GABRA3: variants seen among roughly 807,000 people sequenced by gnomAD.
The protein encoded by GABRA3 is gamma-aminobutyric acid type A receptor subunit alpha3, also known as gamma-aminobutyric acid receptor subunit alpha-3.
GABRA3 carries 10 observed loss-of-function variants against 30.1 expected under a neutral mutation model. The ratio of observed to expected loss-of-function variants is 0.33; its 90% CI spans 0.20 to 0.56. The LOEUF (loss-of-function observed/expected upper bound fraction) is 0.56, where lower values mean the gene tolerates loss of function less well. GABRA3 is among the 20% of genes least tolerant of loss of function. The probability of loss-of-function intolerance (pLI) is 0.89; values close to 1 mark genes in which losing one functional copy is unlikely to be tolerated. For missense variants in GABRA3, 233 were observed against 392.0 expected, an observed-to-expected ratio of 0.59 and a Z score of 3.42; for synonymous variants, 151 against 146.8, an observed-to-expected ratio of 1.03 and a Z score of -0.21.
At chrX:152,356,386 T>G (rs1056678402) in intron 2 of GABRA3, among the ~76,000 whole-genome samples, 2 of 111,687 alleles carry the variant, frequency 1.8e-5, no homozygotes, top group African/African-American at 3.3e-5. Flanking sequence ...GATAAAATAA[T>G]GCAGTAATGG....
At chrX:152,238,782 G>C (rs1179428326) in intron 5 of GABRA3, among the ~76,000 whole-genome samples, 2 of 108,048 alleles carry the variant, frequency 1.9e-5, no homozygotes, top group Non-Finnish European at 3.9e-5. Context: ...TATTTGCATA[G>C]AGGTGTTTGT....
chrX:152,318,250 C>T (rs1239270836), intron 3 of GABRA3, among the ~76,000 whole-genome samples: 4 of 111,176 alleles, frequency 3.6e-5, no homozygotes, highest in African/African-American at 1.3e-4. Context: ...ATACAACCCT[C>T]CTACCTTAAA....
chrX:152,313,070 C>A (rs778102636), intron 3 of GABRA3, among the ~76,000 whole-genome samples: 5 of 110,954 alleles, frequency 4.5e-5, no homozygotes, highest in African/African-American at 1.3e-4. Context: ...ACTCCCTGAA[C>A]CTAAAAGTTG....
chrX:152,437,721 C>T (rs1322088084), intron 1 of GABRA3, among the ~76,000 whole-genome samples: 7 of 111,714 alleles, frequency 6.3e-5, no homozygotes, highest in Non-Finnish European at 1.3e-4. Flanking sequence ...TGAATATAGT[C>T]AACTGATCCT....
chrX:152,365,117 C>A (rs1174911632), intron 1 of GABRA3, among the ~76,000 whole-genome samples: 1 of 111,428 alleles, frequency 9.0e-6, no homozygotes, highest in Non-Finnish European at 1.9e-5. Context: ...ATATTAAGAC[C>A]TGGAGTCTTT....
chrX:152,224,020 G>A (rs775905843), intron 6 of GABRA3, among the ~76,000 whole-genome samples: 2 of 111,462 alleles, frequency 1.8e-5, no homozygotes, highest in Non-Finnish European at 3.8e-5. Flanking sequence ...AAAAACTAAT[G>A]ATTGAGGAAA....
chrX:152,429,306 C>T (rs760490134), intron 1 of GABRA3, among the ~76,000 whole-genome samples: 1 of 109,764 alleles, frequency 9.1e-6, no homozygotes, highest in Admixed American at 9.7e-5. Context: ...TCTCTTTCTC[C>T]AGATTACCAT....
chrX:152,169,839 T>C (rs113401130), intron 9 of GABRA3, among the ~76,000 whole-genome samples: 286 of 111,577 alleles, frequency 2.6e-3, no homozygotes, highest in African/African-American at 8.5e-3. Flanking sequence ...TTCCTACTTG[T>C]TTTCTTTGTG....
At chrX:152,344,130 A>C (rs1940355845) in intron 3 of GABRA3, among the ~76,000 whole-genome samples, 1 of 111,815 alleles carries the variant, frequency 8.9e-6, no homozygotes, top group Admixed American at 9.5e-5. Flanking sequence ...TCTTGGAAAA[A>C]TGACTAATTC....
Position 152,364,736 on chromosome X carries a change from C to A in GABRA3, c.-26-140G>T, listed in dbSNP as rs912232791. 110 of 421,786 alleles carry A rather than the reference C, an allele frequency of 2.6e-4. 2 individuals are homozygous for A. The Middle Eastern group carries it at 6.0e-3, about 23-fold the overall frequency. 34.8% of individuals were successfully genotyped at this position (421,786 alleles called of 1,213,427 possible). A position where few individuals can be genotyped will look rare whatever the true frequency, so the allele number is the denominator to read the frequency against. ...ATTTAACTTCTCTAGTGTCTAGTTA[C>A]TCAGTGCTTAATTCAACAGTCCCCT... On this transcript the variant is annotated intron_variant, in intron 1 of 9. Transcript: ENST00000370314.
intron 1 of GABRA3, among the ~76,000 whole-genome samples, chrX:152,444,945 C>T (rs1931042732): frequency 1.1e-5 from 1 of 90,379 alleles, no homozygotes; most frequent in African/African-American, 4.0e-5. Context: ...CCTGTAGTCC[C>T]AGCTACTTGG....
chrX:152,411,219 G>A (rs1276648994), intron 1 of GABRA3, among the ~76,000 whole-genome samples: 4 of 111,123 alleles, frequency 3.6e-5, no homozygotes, highest in Non-Finnish European at 5.7e-5. Context: ...GGAGGCTGAG[G>A]TGGGAGGATC....
intron 2 of GABRA3, among the ~76,000 whole-genome samples, chrX:152,354,761 G>A (rs945789694): frequency 1.4e-4 from 16 of 111,435 alleles, no homozygotes; most frequent in Admixed American, 4.8e-4. Context: ...ATTCAAACTG[G>A]TAGGTGAATC....
intron 4 of GABRA3, among the ~76,000 whole-genome samples, chrX:152,268,272 A>C (rs150685778): frequency 1.2e-4 from 13 of 111,890 alleles, no homozygotes; most frequent in African/African-American, 3.9e-4. Flanking sequence ...CAATTGTAAT[A>C]ATTCCATGTC....
rs188963696 is a variant in GABRA3 at position 152,292,305 on chromosome X, G to A, written c.263-7570C>T. Among the ~76,000 whole-genome samples, 12 of 112,023 alleles carry A rather than the reference G, an allele frequency of 1.1e-4. No homozygotes were observed. The Admixed American group carries it at 1.1e-3, about 11-fold the overall frequency. ...TTAGATTTTCTAGTTTATTTGCATA[G>A]AGGTGTTTATTGTATTCTCTGATGG... On this transcript the variant is annotated intron_variant, in intron 3 of 9. Transcript: ENST00000370314.
At chrX:152,360,697 TAA>T (rs1376628186) in intron 2 of GABRA3, among the ~76,000 whole-genome samples, 32 of 17,670 alleles carry the variant, frequency 1.8e-3, no homozygotes, top group African/African-American at 6.4e-3. Context: ...TAGAGTATAA[TAA>T]AAAAAAAAAA....
intron 4 of GABRA3, among the ~76,000 whole-genome samples, chrX:152,274,354 A>G (rs917823405): frequency 6.3e-5 from 7 of 110,649 alleles, no homozygotes; most frequent in Non-Finnish European, 1.1e-4. Context: ...CTTAACACTT[A>G]GTAAAACACA....
chrX:152,378,041 G>C (rs1017487054), intron 1 of GABRA3, among the ~76,000 whole-genome samples: 1 of 112,176 alleles, frequency 8.9e-6, no homozygotes, highest in Non-Finnish European at 1.9e-5. Context: ...ATTAATGTTT[G>C]ATCCAATAAA....
chrX:152,224,955 G>A (rs1937911283), intron 5 of GABRA3, 110 bp from the exon 6 acceptor site: 1 of 504,739 alleles, frequency 2.0e-6, no homozygotes, highest in African/African-American at 2.3e-5. Flanking sequence ...GTTTGTTTAA[G>A]TTCACTGAGA....
Sources: allele counts gnomAD v4.1 joint callset (sites outside exome capture counted in the v4.1 genomes callset), GRCh38; gene constraint gnomAD v4.1.1; transcripts MANE v1.5; gene names NCBI Gene and HGNC (gene_info 2026-07-23, HGNC 2026-07-21).